ABCA1: variants seen among roughly 807,000 people sequenced by gnomAD.
The protein encoded by ABCA1 is phospholipid-transporting ATPase ABCA1.
ABCA1 carries 133 observed loss-of-function variants against 262.5 expected under a neutral mutation model. That is an observed-to-expected ratio of 0.51 (90% confidence interval 0.44 to 0.59). The LOEUF (loss-of-function observed/expected upper bound fraction) is 0.59. ABCA1 is among the 20% of genes least tolerant of loss of function. The pLI, the probability that ABCA1 is intolerant of heterozygous loss-of-function variation, is 0.00. For missense variants in ABCA1, 2,452 were observed against 2,777.5 expected, an observed-to-expected ratio of 0.88 and a Z score of 2.63; for synonymous variants, 1,022 against 1,043.5, an observed-to-expected ratio of 0.98 and a Z score of 0.40.
intron 2 of ABCA1, among the ~76,000 whole-genome samples, chr9:104,892,310 C>G (rs1839822151): frequency 6.8e-6 from 1 of 147,374 alleles, no homozygotes; most frequent in Admixed American, 7.2e-5. Flanking sequence ...TAGCAAACAC[C>G]TTTTTATTCT....
chr9:104,905,061 G>A (rs1841006780), intron 1 of ABCA1, among the ~76,000 whole-genome samples: 3 of 152,176 alleles, frequency 2.0e-5, no homozygotes, highest in African/African-American at 4.8e-5. Flanking sequence ...AAAATGGAAG[G>A]GAGGACACAC....
At chr9:104,812,823 T>C in intron 27 of ABCA1, 101 bp from the exon 28 acceptor site, 1 of 1,458,572 alleles carries the variant, frequency 6.9e-7, no homozygotes, top group Non-Finnish European at 9.6e-7. Flanking sequence ...TGAAGGCATG[T>C]GTCTGAAGCT....
rs140529806 is a variant in ABCA1 at position 104,854,458 on chromosome 9, T to TA, written c.720+4063dup. The stretch of plus-strand genomic sequence containing the variant: ...ATTTGGTGACTTGTTATAGTAGCAA[T>TA]AAAAAAAAAAAGTACAATCGGAAGC... On this transcript the variant is annotated intron_variant, in intron 7 of 49. Coordinates refer to ENST00000374736, the MANE Select transcript of ABCA1 (RefSeq NM_005502.4). 1.7e-3 allele frequency among the ~76,000 whole-genome samples: 240 copies of TA among 145,100 alleles called. 4 individuals are homozygous for TA. In the East Asian group the frequency reaches 0.026, roughly 16 times the overall value.
intron 2 of ABCA1, among the ~76,000 whole-genome samples, chr9:104,894,268 T>A (rs1170235069): frequency 6.6e-6 from 1 of 152,140 alleles, no homozygotes; most frequent in Non-Finnish European, 1.5e-5. Flanking sequence ...GCAGCCCCCA[T>A]ATCTAGGATC....
chr9:104,894,856 C>G (rs1840063749), intron 2 of ABCA1, among the ~76,000 whole-genome samples: 1 of 152,326 alleles, frequency 6.6e-6, no homozygotes, highest in Non-Finnish European at 1.5e-5. Flanking sequence ...TAATCTTTGC[C>G]CTTTTATCTT....
At position 104,883,118 on chromosome 9, in the gene ABCA1, TA is replaced by T; in HGVS notation, c.341del (p.Leu114TyrfsTer9). 6.2e-7 allele frequency: 1 copy of T among 1,613,610 alleles called. No individual in the cohort carries two copies. The highest frequency in any genetic ancestry group is 8.5e-7 in the Non-Finnish European group (1 of 1,180,042). ...TCATGCTGGTGTCTTTCTGGCTGTA[TA>T]AAAGAAGCCTCCGAGCATCTGAGAA... ...RLFSDARRLL[L>X]YSQKDTSMKD... On this transcript the variant is annotated frameshift_variant, in exon 5 of 50. Coordinates refer to ENST00000374736, the MANE Select transcript of ABCA1 (RefSeq NM_005502.4). LOFTEE classifies it high-confidence loss of function.
At chr9:104,890,182 G>A (rs546938108) in intron 2 of ABCA1, among the ~76,000 whole-genome samples, 25 of 152,304 alleles carry the variant, frequency 1.6e-4, no homozygotes, top group African/African-American at 6.0e-4. Flanking sequence ...GAGTCACAGG[G>A]CCTTGTGTTT....
chr9:104,792,041 C>G (rs201112475), intron 42 of ABCA1, 43 bp from the exon 43 acceptor site: 332 of 1,577,824 alleles, frequency 2.1e-4, no homozygotes, highest in Non-Finnish European at 2.7e-4. Context: ...CTCAGTGACT[C>G]ACAGCTCTCC....
At position 104,857,626 on chromosome 9, in the gene ABCA1, G is replaced by A. The variant is rs185564710; in HGVS notation, c.720+896C>T. Among the ~76,000 whole-genome samples, 35 of 152,308 alleles carry A rather than the reference G, an allele frequency of 2.3e-4. No individual in the cohort carries two copies. In the East Asian group the frequency reaches 6.8e-3, roughly 29 times the overall value. ...GGGTATGATCTGGGAACAGGGTCCA[G>A]AAACTGAGTATTCTTAATTCTCTGG... On this transcript the variant is annotated intron_variant, in intron 7 of 49. Transcript: ENST00000374736.
At chr9:104,873,503 C>T (rs1406943765) in intron 5 of ABCA1, among the ~76,000 whole-genome samples, 1 of 152,208 alleles carries the variant, frequency 6.6e-6, no homozygotes, top group Non-Finnish European at 1.5e-5. Flanking sequence ...TCATCCCAGC[C>T]AGCCCATGCC....
intron 31 of ABCA1, 75 bp downstream of exon 31, chr9:104,806,166 A>G: frequency 6.8e-7 from 1 of 1,462,128 alleles, no homozygotes. Flanking sequence ...TATCTCACTC[A>G]TTCCTGCTTC....
chr9:104,796,802 G>T (rs1829935193), intron 37 of ABCA1, among the ~76,000 whole-genome samples: 1 of 152,148 alleles, frequency 6.6e-6, no homozygotes, highest in South Asian at 2.1e-4. Flanking sequence ...ATTATAGTCT[G>T]CCCAAGTTCA....
intron 2 of ABCA1, among the ~76,000 whole-genome samples, chr9:104,895,234 C>T (rs1840092807): frequency 6.6e-6 from 1 of 152,192 alleles, no homozygotes; most frequent in African/African-American, 2.4e-5. Context: ...TCACCAAAGT[C>T]AAAGCTGCTC....
In ABCA1 at chr9:104,817,040, C is replaced by T. The variant is rs768009800; in HGVS notation, c.3535+292G>A. Among the ~76,000 whole-genome samples the T allele has an allele frequency of 6.6e-6, 1 of 152,172 alleles. No individual in the cohort carries two copies. The highest frequency in any genetic ancestry group is 1.5e-5 in the Non-Finnish European group (1 of 68,036). On this transcript the variant is annotated intron_variant, in intron 24 of 49. Coordinates refer to ENST00000374736, the MANE Select transcript of ABCA1 (RefSeq NM_005502.4). This position sits in a 1 kb window ranked among gnomAD's most constrained non-coding sequence, Gnocchi z 4.7. ...CACCCTCCTGGCTTGGCCCTCAGCT[C>T]CTCATCCCTGGTATTCAGTGTCCAC...
At chr9:104,805,669 T>C (rs373876051) in intron 31 of ABCA1, among the ~76,000 whole-genome samples, 2 of 152,364 alleles carry the variant, frequency 1.3e-5, no homozygotes, top group Admixed American at 6.5e-5. Flanking sequence ...AGCTCATTTG[T>C]TGCAGAGCCA....
chr9:104,802,783 C>A (rs1830450218), intron 33 of ABCA1, among the ~76,000 whole-genome samples: 2 of 152,210 alleles, frequency 1.3e-5, no homozygotes, highest in Admixed American at 1.3e-4. Context: ...CTTCAAAACC[C>A]AGAAGGACAA....
chr9:104,800,654 C>A (rs764712406), intron 34 of ABCA1, 70 bp from the exon 35 acceptor site: 1 of 1,418,758 alleles, frequency 7.0e-7, no homozygotes, highest in East Asian at 2.3e-5. Context: ...CAATCTGGAA[C>A]CTGTGGACAA....
chr9:104,814,589 T>A (rs1588278263), intron 25 of ABCA1, 114 bp from the exon 26 acceptor site: 1 of 1,063,442 alleles, frequency 9.4e-7, no homozygotes, highest in Non-Finnish European at 1.4e-6. Flanking sequence ...ACAGAGAAAG[T>A]AGAAGCCACA....
chr9:104,823,657 G>A (rs189731720), intron 18 of ABCA1, among the ~76,000 whole-genome samples: 1 of 152,238 alleles, frequency 6.6e-6, no homozygotes, highest in Non-Finnish European at 1.5e-5. Context: ...TGAGAAGATA[G>A]GCAAGTTAGA....
Sources: allele counts gnomAD v4.1 joint callset (sites outside exome capture counted in the v4.1 genomes callset), GRCh38; gene constraint gnomAD v4.1.1; non-coding constraint Gnocchi (gnomAD v3.1); transcripts MANE v1.5; gene names NCBI Gene and HGNC (gene_info 2026-07-23, HGNC 2026-07-21).